RORA: variants seen among roughly 807,000 people sequenced by gnomAD.
The protein encoded by RORA is RAR related orphan receptor A.
Under a neutral mutation model 69.5 loss-of-function variants are expected in RORA, and 7 were observed. The observed-to-expected ratio is 0.10, with a 90% CI of 0.06 to 0.19. The LOEUF (loss-of-function observed/expected upper bound fraction) is 0.19, where lower values mean the gene tolerates loss of function less well. RORA is among the 10% of genes least tolerant of loss of function. The probability of loss-of-function intolerance (pLI) is 1.00; values close to 1 mark genes in which losing one functional copy is unlikely to be tolerated. For synonymous variants in RORA, 261 were observed against 240.8 expected, an observed-to-expected ratio of 1.08 and a Z score of -0.78; for missense variants, 457 against 663.0, an observed-to-expected ratio of 0.69 and a Z score of 3.41.
At chr15:60,893,130 A>AC (rs1479354692) in intron 1 of RORA, among the ~76,000 whole-genome samples, 1 of 152,220 alleles carries the variant, frequency 6.6e-6, no homozygotes, top group Admixed American at 6.5e-5. Context: ...ATGTGCTTCA[A>AC]CATCAAATGA....
In RORA at chr15:61,226,196, A is replaced by G. The variant is rs1246009315; in HGVS notation, c.166+2857T>C. Among the ~76,000 whole-genome samples, 1 of 152,170 alleles carries G rather than the reference A, an allele frequency of 6.6e-6. No individual in the cohort carries two copies. Among genetic ancestry groups the G allele is most frequent in the Non-Finnish European group, 1.5e-5 (1 of 68,036 alleles). The stretch of plus-strand genomic sequence containing the variant: ...CAGACCACAATTTCTGTGGACTTCA[A>G]ACACTGACTGGGTAGAAGCTAAACC... On this transcript the variant is annotated intron_variant, in intron 1 of 10. Coordinates refer to ENST00000335670, the MANE Select transcript of RORA (RefSeq NM_134261.3). The surrounding 1 kb of genome is among the most constrained non-coding windows in gnomAD (Gnocchi z 4.2).
At chr15:61,162,319 C>T (rs1473771318) in intron 1 of RORA, among the ~76,000 whole-genome samples, 1 of 152,158 alleles carries the variant, frequency 6.6e-6, no homozygotes, top group Non-Finnish European at 1.5e-5. Context: ...TGGGTCATTA[C>T]AGTGGTCATG....
At chr15:60,646,420 A>T (rs899064050) in intron 2 of RORA, among the ~76,000 whole-genome samples, 1 of 152,208 alleles carries the variant, frequency 6.6e-6, no homozygotes, top group Non-Finnish European at 1.5e-5. Flanking sequence ...ACATAGGATC[A>T]CATGACTTTG....
intron 1 of RORA, among the ~76,000 whole-genome samples, chr15:60,794,248 T>A (rs551395748): frequency 1.3e-5 from 2 of 152,362 alleles, no homozygotes; most frequent in East Asian, 3.9e-4. Flanking sequence ...ACACTATTGC[T>A]TTAATGAAGA....
chr15:61,147,203 G>T lies in RORA; in HGVS notation c.166+81850C>A, dbSNP rs925597259. On this transcript the variant is annotated intron_variant, in intron 1 of 10. Transcript: ENST00000335670. The surrounding 1 kb of genome is among the most constrained non-coding windows in gnomAD (Gnocchi z 4.1). ...ATGCGTCAACCACTAGTCATGCCTT[G>T]AACCACACAGCACCGTGGTCGTTTC... Among the ~76,000 whole-genome samples, 3 of 152,132 alleles carry T rather than the reference G, an allele frequency of 2.0e-5. No individual in the cohort carries two copies. Among genetic ancestry groups the T allele is most frequent in the African/African-American group, 7.2e-5 (3 of 41,434 alleles).
At chr15:60,986,157 G>A (rs1023072848) in intron 1 of RORA, among the ~76,000 whole-genome samples, 10 of 151,608 alleles carry the variant, frequency 6.6e-5, no homozygotes, top group South Asian at 2.1e-4. Flanking sequence ...TCCTGGAGAC[G>A]GAGTCTTGCT....
At chr15:60,769,656 A>T (rs1271442475) in intron 1 of RORA, among the ~76,000 whole-genome samples, 1 of 152,156 alleles carries the variant, frequency 6.6e-6, no homozygotes, top group Non-Finnish European at 1.5e-5. Context: ...TCATGCCACG[A>T]GTGTGCCTCT....
At chr15:60,559,127 C>G (rs532992655) in intron 2 of RORA, among the ~76,000 whole-genome samples, 1 of 150,636 alleles carries the variant, frequency 6.6e-6, no homozygotes, top group Non-Finnish European at 1.5e-5. Flanking sequence ...AAGTGTAATA[C>G]GAAATAAAGA....
chr15:61,159,380 C>A (rs2079474369), intron 1 of RORA, among the ~76,000 whole-genome samples: 1 of 152,166 alleles, frequency 6.6e-6, no homozygotes, highest in Non-Finnish European at 1.5e-5. Flanking sequence ...AAATGTACTT[C>A]CAATTTTTTT....
At chr15:61,115,529 T>A (rs915724228) in intron 1 of RORA, among the ~76,000 whole-genome samples, 10 of 152,164 alleles carry the variant, frequency 6.6e-5, no homozygotes, top group African/African-American at 2.2e-4. Context: ...TAGAGTGAAG[T>A]GAGGTTTCTC....
intron 1 of RORA, among the ~76,000 whole-genome samples, chr15:61,219,318 T>C (rs1307743286): frequency 6.6e-6 from 1 of 152,250 alleles, no homozygotes; most frequent in Non-Finnish European, 1.5e-5. Context: ...CTCATGCCTG[T>C]AATCCCAGCA....
In RORA at chr15:60,735,455, C is replaced by T. The variant is rs1014610741; in HGVS notation, c.167-56769G>A. ...CTGGGAAAGCATATGACACCTCCAT[C>T]GTAACTGCCTAATTTGCTACTTAGG... On this transcript the variant is annotated intron_variant, in intron 1 of 10. Transcript: ENST00000335670. 4.6e-5 allele frequency among the ~76,000 whole-genome samples: 7 copies of T among 152,162 alleles called. No homozygotes were observed. The East Asian group carries it at 5.8e-4, about 13-fold the overall frequency.
At chr15:60,735,324 TG>T (rs1454536325) in intron 1 of RORA, among the ~76,000 whole-genome samples, 1 of 152,244 alleles carries the variant, frequency 6.6e-6, no homozygotes, top group African/African-American at 2.4e-5. Flanking sequence ...TATAAAAGGT[TG>T]TTTTTTTATA....
At chr15:60,971,492 A>G (rs1160285468) in intron 1 of RORA, among the ~76,000 whole-genome samples, 1 of 152,168 alleles carries the variant, frequency 6.6e-6, no homozygotes, top group African/African-American at 2.4e-5. Context: ...GGATCCAGAC[A>G]TATCGTGCTT....
intron 1 of RORA, among the ~76,000 whole-genome samples, chr15:61,191,456 A>T (rs1451322350): frequency 6.6e-6 from 1 of 152,096 alleles, no homozygotes; most frequent in Non-Finnish European, 1.5e-5. Flanking sequence ...TGACACCACC[A>T]CACAACCAGC....
intron 2 of RORA, among the ~76,000 whole-genome samples, chr15:60,646,171 A>G (rs1217574837): frequency 6.6e-6 from 1 of 152,232 alleles, no homozygotes; most frequent in African/African-American, 2.4e-5. Flanking sequence ...ACTGTAAGTT[A>G]TAGGGAACAT....
Position 60,524,023 on chromosome 15 carries a change from T to C in RORA, c.282+7743A>G, listed in dbSNP as rs148325507. 6.0e-3 allele frequency among the ~76,000 whole-genome samples: 915 copies of C among 152,244 alleles called. 8 individuals carry two copies. The highest frequency in any genetic ancestry group is 0.026 in the South Asian group (124 of 4,828). Reference sequence around the variant, plus strand: ...GTTTCCCAGCTGTCCTCTCCAGTGTTTTCTTGCTCAGTGACAGGCATCATC... The same window carrying C: ...GTTTCCCAGCTGTCCTCTCCAGTGTCTTCTTGCTCAGTGACAGGCATCATC... On this transcript the variant is annotated intron_variant, in intron 3 of 10. Coordinates refer to ENST00000335670, the MANE Select transcript of RORA (RefSeq NM_134261.3).
At chr15:60,900,705 C>A (rs1290154194) in intron 1 of RORA, among the ~76,000 whole-genome samples, 1 of 152,006 alleles carries the variant, frequency 6.6e-6, no homozygotes, top group Non-Finnish European at 1.5e-5. Flanking sequence ...AACCCCGTCT[C>A]TACTAAAAAT....
At chr15:60,647,741 A>G (rs1308224550) in intron 2 of RORA, among the ~76,000 whole-genome samples, 1 of 152,246 alleles carries the variant, frequency 6.6e-6, no homozygotes, top group Non-Finnish European at 1.5e-5. Context: ...AAAACATCAT[A>G]TAAGGTGTTT....
Sources: allele counts gnomAD v4.1 joint callset (sites outside exome capture counted in the v4.1 genomes callset), GRCh38; gene constraint gnomAD v4.1.1; non-coding constraint Gnocchi (gnomAD v3.1); transcripts MANE v1.5; gene names NCBI Gene and HGNC (gene_info 2026-07-23, HGNC 2026-07-21).